The following DEK variants were observed in gnomAD, a reference collection of about 807,000 sequenced individuals.
DEK encodes the protein protein DEK.
A neutral mutation model predicts 46.8 loss-of-function variants in DEK; 28 were observed. The ratio of observed to expected loss-of-function variants is 0.60; its 90% CI spans 0.44 to 0.82. DEK has a LOEUF of 0.82. Among genes scored for constraint, DEK ranks in the 40% least tolerant of loss-of-function variants. The pLI, the probability that DEK is intolerant of heterozygous loss-of-function variation, is 0.00. For synonymous variants in DEK, 160 were observed against 144.5 expected (o/e 1.11, Z -0.77); for missense variants, 416 against 430.6 (o/e 0.97, Z 0.30).
intron 6 of DEK, among the ~76,000 whole-genome samples, chr6:18,254,876 C>T (rs1327975147): frequency 6.6e-6 from 1 of 152,174 alleles, no homozygotes; most frequent in Admixed American, 6.5e-5. Context: ...TACACTTTAA[C>T]TGCTGTTTAT....
intron 9 of DEK, among the ~76,000 whole-genome samples, chr6:18,229,825 C>T (rs200033774): frequency 1.3e-5 from 2 of 152,196 alleles, no homozygotes; most frequent in African/African-American, 4.8e-5. Context: ...TCCAGGAGAA[C>T]TTCCCCAATC....
intron 4 of DEK, among the ~76,000 whole-genome samples, chr6:18,257,122 G>C (rs1470932526): frequency 6.6e-6 from 1 of 152,028 alleles, no homozygotes; most frequent in Non-Finnish European, 1.5e-5. Context: ...CTTTAGCAAA[G>C]AACTATCATC....
At chr6:18,257,369 G>C (rs532505799) in intron 4 of DEK, among the ~76,000 whole-genome samples, 1 of 152,230 alleles carries the variant, frequency 6.6e-6, no homozygotes, top group South Asian at 2.1e-4. Context: ...ATCACAATTT[G>C]GATTTCGTAA....
chr6:18,239,762 G>GT (rs928763906), intron 7 of DEK, among the ~76,000 whole-genome samples: 3 of 151,994 alleles, frequency 2.0e-5, no homozygotes, highest in Non-Finnish European at 2.9e-5. Context: ...ATGATTTGTC[G>GT]TTTTTTTATG....
At chr6:18,227,247 T>C (rs1438763459) in intron 9 of DEK, among the ~76,000 whole-genome samples, 2 of 152,010 alleles carry the variant, frequency 1.3e-5, no homozygotes, top group Non-Finnish European at 2.9e-5. Flanking sequence ...CTCCTGCCTG[T>C]CCCTGGGCAA....
chr6:18,227,141 C>T (rs1222161386), intron 9 of DEK, among the ~76,000 whole-genome samples: 1 of 152,048 alleles, frequency 6.6e-6, no homozygotes, highest in African/African-American at 2.4e-5. Context: ...CCTGACCGTC[C>T]CCCAGCCCGA....
intron 7 of DEK, among the ~76,000 whole-genome samples, chr6:18,248,860 A>T (rs1791237514): frequency 6.6e-6 from 1 of 152,188 alleles, no homozygotes; most frequent in Non-Finnish European, 1.5e-5. Context: ...CTGGTCCAAA[A>T]TGTCAAGTTG....
rs752974937 is a variant in DEK at position 18,257,926 on chromosome 6, T to G, written c.357+27A>C. The G allele has an allele frequency of 2.7e-6, 4 of 1,483,314 alleles. No individual in the cohort carries two copies. The African/African-American group carries it at 5.7e-5, about 21-fold the overall frequency. The allele number at this position is 1,483,314 out of a possible 1,614,324, so 91.9% of individuals were successfully genotyped here. Reference sequence around the variant, plus strand: ...ATTCCATTGTGAAGTAATATACAAGTAGGTTTAAAGTGTAAAAAGGTCTTA... The same window carrying G: ...ATTCCATTGTGAAGTAATATACAAGGAGGTTTAAAGTGTAAAAAGGTCTTA... On this transcript the variant is annotated intron_variant, in intron 4 of 10. Transcript: ENST00000652689.
intron 9 of DEK, among the ~76,000 whole-genome samples, 154 bp from the exon 10 acceptor site, chr6:18,226,396 G>A (rs956800446): frequency 6.6e-6 from 1 of 152,184 alleles, no homozygotes; most frequent in African/African-American, 2.4e-5. Context: ...TATTCCAAAT[G>A]AGTATTTTAA....
chr6:18,249,204 C>T (rs1228903707), intron 7 of DEK, among the ~76,000 whole-genome samples: 2 of 152,162 alleles, frequency 1.3e-5, no homozygotes, highest in East Asian at 3.9e-4. Flanking sequence ...TTTATTCTCA[C>T]TACATAGTCC....
chr6:18,230,640 C>A (rs1790373519), intron 9 of DEK, among the ~76,000 whole-genome samples: 1 of 152,188 alleles, frequency 6.6e-6, no homozygotes, highest in African/African-American at 2.4e-5. Flanking sequence ...AAGGGCATTA[C>A]ATAATGGTAA....
intron 2 of DEK, among the ~76,000 whole-genome samples, chr6:18,261,324 A>G (rs1372764394): frequency 6.6e-6 from 1 of 152,130 alleles, no homozygotes; most frequent in Non-Finnish European, 1.5e-5. Context: ...TGTAATCCTA[A>G]AACTCTGGGA....
intron 2 of DEK, among the ~76,000 whole-genome samples, chr6:18,260,267 GAAT>G (rs1273887042): frequency 1.3e-5 from 2 of 151,914 alleles, no homozygotes; most frequent in African/African-American, 2.4e-5. Flanking sequence ...TATTGTTTAG[GAAT>G]AATAAAAAAA....
chr6:18,235,844 T>C (rs1351857602), intron 9 of DEK, among the ~76,000 whole-genome samples: 14 of 152,200 alleles, frequency 9.2e-5, no homozygotes, highest in Admixed American at 9.2e-4. Flanking sequence ...CAATGAATGG[T>C]GAATGAATGA....
chr6:18,263,066 T>G (rs904235158), intron 2 of DEK, among the ~76,000 whole-genome samples: 2 of 152,158 alleles, frequency 1.3e-5, no homozygotes, highest in Non-Finnish European at 2.9e-5. Flanking sequence ...TTTTTAAATG[T>G]TTGGAAACAT....
chr6:18,261,574 A>AAAAC (rs56191223), intron 2 of DEK, among the ~76,000 whole-genome samples: 25,040 of 152,044 alleles, frequency 0.16, 2,381 homozygotes, highest in East Asian at 0.25. Context: ...TCCGTTTCAA[A>AAAAC]AAACAAACAA....
chr6:18,237,960 C>T (rs1470774926), intron 7 of DEK, among the ~76,000 whole-genome samples: 1 of 151,014 alleles, frequency 6.6e-6, no homozygotes, highest in Non-Finnish European at 1.5e-5. Flanking sequence ...TCTGCCCTCC[C>T]GGGTTCAAGC....
In DEK at chr6:18,249,917, C is replaced by T. The variant is rs1791294663; in HGVS notation, c.574-78G>A. ...TTCTCTTCTTGAAAACTTATCAACT[C>T]AATTTCTTATTCCTCTCTCAAGAAA... On this transcript the variant is annotated intron_variant, in intron 6 of 10. Coordinates refer to ENST00000652689, the MANE Select transcript of DEK (RefSeq NM_003472.4). The T allele has an allele frequency of 2.7e-6, 4 of 1,467,808 alleles. No individual in the cohort carries two copies. In the East Asian group the frequency reaches 9.7e-5, roughly 36 times the overall value. The allele number at this position is 1,467,808 out of a possible 1,614,324, so 90.9% of individuals were successfully genotyped here.
intron 2 of DEK, among the ~76,000 whole-genome samples, chr6:18,259,085 C>G (rs1314556817): frequency 3.3e-5 from 5 of 151,954 alleles, no homozygotes; most frequent in Admixed American, 6.6e-5. Flanking sequence ...AATCCCAGCA[C>G]TTTGGGAGGC....
Sources: allele counts gnomAD v4.1 joint callset (sites outside exome capture counted in the v4.1 genomes callset), GRCh38; gene constraint gnomAD v4.1.1; transcripts MANE v1.5; gene names NCBI Gene and HGNC (gene_info 2026-07-23, HGNC 2026-07-21).